MACROD2: variants seen among roughly 807,000 people sequenced by gnomAD.
MACROD2 encodes the protein ADP-ribose glycohydrolase MACROD2.
MACROD2 carries 36 observed loss-of-function variants against 70.4 expected under a neutral mutation model. The observed-to-expected ratio is 0.51, with a 90% CI of 0.39 to 0.68. MACROD2 has a LOEUF of 0.68. MACROD2 is among the 30% of genes least tolerant of loss of function. The pLI is 0.00. For missense variants in MACROD2, 496 were observed against 538.4 expected, an observed-to-expected ratio of 0.92 and a Z score of 0.78; for synonymous variants, 172 against 178.8, an observed-to-expected ratio of 0.96 and a Z score of 0.30.
At chr20:15,078,352 C>T (rs2075676010) in intron 5 of MACROD2, among the ~76,000 whole-genome samples, 1 of 152,160 alleles carries the variant, frequency 6.6e-6, no homozygotes, top group Admixed American at 6.5e-5. Flanking sequence ...ACTCAAGAGG[C>T]TACCCAATTT....
At chr20:15,196,286 T>C (rs1422369789) in intron 5 of MACROD2, among the ~76,000 whole-genome samples, 1 of 151,942 alleles carries the variant, frequency 6.6e-6, no homozygotes, top group Non-Finnish European at 1.5e-5. Context: ...AAGAATTGAT[T>C]TCAAAAAAAC....
At chr20:15,511,182 G>A (rs1056270501) in intron 8 of MACROD2, among the ~76,000 whole-genome samples, 20 of 152,190 alleles carry the variant, frequency 1.3e-4, no homozygotes, top group Admixed American at 1.0e-3. Flanking sequence ...AGCTATGCAC[G>A]CATATATCCT....
chr20:14,184,171 ATT>A (rs1299908060), intron 3 of MACROD2, among the ~76,000 whole-genome samples: 2 of 152,016 alleles, frequency 1.3e-5, no homozygotes, highest in African/African-American at 2.4e-5. Flanking sequence ...TGGGCTTTGC[ATT>A]TAAGTCTTTA....
intron 5 of MACROD2, among the ~76,000 whole-genome samples, chr20:14,844,396 A>G (rs1480219938): frequency 6.6e-6 from 1 of 151,922 alleles, no homozygotes; most frequent in Non-Finnish European, 1.5e-5. Context: ...AGATGCCTAT[A>G]ATCCCAGCTA....
At chr20:14,897,787 G>A (rs2073848102) in intron 5 of MACROD2, among the ~76,000 whole-genome samples, 1 of 152,092 alleles carries the variant, frequency 6.6e-6, no homozygotes, top group Non-Finnish European at 1.5e-5. Flanking sequence ...CTGGAGGCTG[G>A]GAAGTCCAAG....
chr20:14,585,936 C>A (rs933130952), intron 4 of MACROD2, among the ~76,000 whole-genome samples: 8 of 152,090 alleles, frequency 5.3e-5, no homozygotes, highest in African/African-American at 1.7e-4. Flanking sequence ...ACCATTTAAA[C>A]ACCACTAGGT....
intron 10 of MACROD2, among the ~76,000 whole-genome samples, chr20:15,893,260 C>CA (rs971100728): frequency 6.6e-6 from 1 of 152,088 alleles, no homozygotes; most frequent in African/African-American, 2.4e-5. Context: ...GTCTGCAAAG[C>CA]AAAAAATTGT....
At chr20:15,419,069 G>A (rs1205605871) in intron 6 of MACROD2, among the ~76,000 whole-genome samples, 1 of 152,168 alleles carries the variant, frequency 6.6e-6, no homozygotes, top group East Asian at 1.9e-4. Flanking sequence ...GGATTTGGGG[G>A]AAAGAGATTT....
At chr20:15,064,280 G>A (rs1394349519) in intron 5 of MACROD2, among the ~76,000 whole-genome samples, 1 of 152,144 alleles carries the variant, frequency 6.6e-6, no homozygotes, top group Non-Finnish European at 1.5e-5. Context: ...CTTTGGAGAT[G>A]ATTTTAGAGG....
At chr20:14,778,493 C>G (rs2072260948) in intron 5 of MACROD2, among the ~76,000 whole-genome samples, 2 of 152,042 alleles carry the variant, frequency 1.3e-5, no homozygotes, top group African/African-American at 2.4e-5. Context: ...AATGAATCCT[C>G]AAGTTGTCCA....
chr20:14,587,695 AATTTC>A (rs1229762411), intron 4 of MACROD2, among the ~76,000 whole-genome samples: 5 of 151,072 alleles, frequency 3.3e-5, no homozygotes, highest in Non-Finnish European at 5.9e-5. Flanking sequence ...TAATTTAAAG[AATTTC>A]ATTAGTAAAT....
intron 4 of MACROD2, among the ~76,000 whole-genome samples, chr20:14,609,886 A>G (rs1983051597): frequency 6.6e-6 from 1 of 152,168 alleles, no homozygotes; most frequent in Non-Finnish European, 1.5e-5. Context: ...GTATTTTCAT[A>G]CACGAAATTA....
intron 6 of MACROD2, among the ~76,000 whole-genome samples, chr20:15,351,138 CA>C (rs1330590568): frequency 2.0e-4 from 31 of 151,866 alleles, no homozygotes; most frequent in African/African-American, 6.3e-4. Flanking sequence ...GGCAGTGGTA[CA>C]GGGGAAGATG....
intron 5 of MACROD2, among the ~76,000 whole-genome samples, chr20:14,701,618 A>T (rs145003008): frequency 7.4e-4 from 113 of 152,274 alleles, no homozygotes; most frequent in African/African-American, 2.6e-3. Context: ...TGCTGCTGCA[A>T]TTCATTAGAT....
At chr20:15,127,084 C>G (rs56060146) in intron 5 of MACROD2, among the ~76,000 whole-genome samples, 12 of 152,172 alleles carry the variant, frequency 7.9e-5, no homozygotes, top group African/African-American at 2.9e-4. Context: ...GGTTTTAAAG[C>G]CTTTTTGTTT....
rs927731815 is a variant in MACROD2, at chr20:15,820,566, G to A, written c.646-42179G>A. 2.6e-5 allele frequency among the ~76,000 whole-genome samples: 4 copies of A among 152,082 alleles called. No individual in the cohort carries two copies. The East Asian group carries it at 5.8e-4, about 22-fold the overall frequency. ...CTGTGTGTCTAACTAAAACCTAATC[G>A]AGTGATTTATGCTAAAATTGTACCT... On this transcript the variant is annotated intron_variant, in intron 8 of 17. Coordinates refer to ENST00000684519, the MANE Select transcript of MACROD2 (RefSeq NM_001351661.2).
intron 3 of MACROD2, among the ~76,000 whole-genome samples, chr20:14,482,313 T>C (rs1321110853): frequency 6.6e-6 from 1 of 152,116 alleles, no homozygotes; most frequent in African/African-American, 2.4e-5. Flanking sequence ...TTTTCATTAA[T>C]TTATTGTAAG....
Position 15,080,220 on chromosome 20 carries a change from C to G in MACROD2, c.419-149720C>G, listed in dbSNP as rs142745853. 3.1e-3 allele frequency among the ~76,000 whole-genome samples: 466 copies of G among 152,148 alleles called. 4 individuals carry two copies. Among genetic ancestry groups the G allele is most frequent in the African/African-American group, 9.7e-3 (403 of 41,506 alleles). On this transcript the variant is annotated intron_variant, in intron 5 of 17. Transcript: ENST00000684519. ...CTTCCAGGCTTTTAGAGCAGAACTC[C>G]TCAAAAGACATGTCTTTGTGATCTC...
chr20:14,818,579 A>G (rs2072800718), intron 5 of MACROD2, among the ~76,000 whole-genome samples: 1 of 152,060 alleles, frequency 6.6e-6, no homozygotes, highest in Non-Finnish European at 1.5e-5. Flanking sequence ...CTATGAAAGA[A>G]AATAGGGAGT....
Sources: gnomAD v4.1 joint callset for allele counts (sites outside exome capture counted in the v4.1 genomes callset) on GRCh38, gnomAD v4.1.1 for gene constraint, MANE v1.5 for transcripts, NCBI Gene and HGNC (gene_info 2026-07-23, HGNC 2026-07-21) for gene names.